KDM5A: variants seen among roughly 807,000 people sequenced by gnomAD.
KDM5A encodes the protein lysine-specific demethylase 5A.
A neutral mutation model predicts 193.5 loss-of-function variants in KDM5A; 42 were observed. That is an observed-to-expected ratio of 0.22 (90% CI 0.17 to 0.28). The LOEUF (loss-of-function observed/expected upper bound fraction) is 0.28. Among genes scored for constraint, KDM5A ranks in the 10% least tolerant of loss-of-function variants. KDM5A has a pLI of 1.00. For missense variants in KDM5A, 1,692 were observed against 2,055.1 expected, an observed-to-expected ratio of 0.82 and a Z score of 3.42; for synonymous variants, 796 against 718.1, an observed-to-expected ratio of 1.11 and a Z score of -1.73.
intron 13 of KDM5A, among the ~76,000 whole-genome samples, chr12:330,085 G>GTGTGTGTATATATATATATATA (rs377271333): frequency 1.4e-5 from 2 of 139,322 alleles, no homozygotes; most frequent in African/African-American, 5.4e-5. Flanking sequence ...GTGTGTGTGT[G>GTGTGTGTATATATATATATATA]TATATATATA....
chr12:348,281 G>C (rs1257673113), intron 10 of KDM5A, among the ~76,000 whole-genome samples: 1 of 152,202 alleles, frequency 6.6e-6, no homozygotes, highest in East Asian at 1.9e-4. Flanking sequence ...GAGAGGATGT[G>C]GAGAAATAGG....
chr12:359,221 A>T (rs1944263990), intron 5 of KDM5A, among the ~76,000 whole-genome samples: 1 of 152,292 alleles, frequency 6.6e-6, no homozygotes, highest in South Asian at 2.1e-4. Context: ...ATCACTTTTT[A>T]AAAATTTATT....
Position 299,620 on chromosome 12 carries a change from C to T in KDM5A, c.4075-2420G>A, listed in dbSNP as rs1014657861. 3.3e-5 allele frequency among the ~76,000 whole-genome samples: 5 copies of T among 152,166 alleles called. No homozygotes were observed. The South Asian group carries it at 1.0e-3, about 32-fold the overall frequency. ...TACCAAATCGTAAAGACCATCGACGCTATGAAGAAACTGCATCAACTAACA... is the reference window on the plus strand; with the variant it reads ...TACCAAATCGTAAAGACCATCGACGTTATGAAGAAACTGCATCAACTAACA... On this transcript the variant is annotated intron_variant, in intron 24 of 27. Coordinates refer to ENST00000399788, the MANE Select transcript of KDM5A (RefSeq NM_001042603.3).
rs1943736776 is a variant in KDM5A at position 322,965 on chromosome 12, T to C, written c.2275+117A>G. On this transcript the variant is annotated intron_variant, in intron 16 of 27. Transcript: ENST00000399788. The stretch of plus-strand genomic sequence containing the variant: ...ATTCAATCAACCCATTAATCTCAAA[T>C]CTCATAGGAAGCCTAGGATTTTTCT... 4 of 1,348,764 alleles carry C rather than the reference T, an allele frequency of 3.0e-6. No homozygotes were observed. The African/African-American group carries it at 4.4e-5, about 15-fold the overall frequency. The allele number at this position is 1,348,764 out of a possible 1,614,324, so 83.5% of individuals were successfully genotyped here. A position where few individuals can be genotyped will look rare whatever the true frequency, so the allele number is the denominator to read the frequency against.
intron 10 of KDM5A, among the ~76,000 whole-genome samples, chr12:347,322 A>C (rs1944091189): frequency 1.3e-5 from 2 of 152,218 alleles, no homozygotes; most frequent in African/African-American, 2.4e-5. Flanking sequence ...ATATAGTGAA[A>C]ATGGCCATAT....
intron 5 of KDM5A, among the ~76,000 whole-genome samples, chr12:359,936 T>C (rs1944275013): frequency 6.6e-6 from 1 of 151,886 alleles, no homozygotes; most frequent in African/African-American, 2.4e-5. Flanking sequence ...CTGTAGCCAA[T>C]AAGGAGTACA....
intron 21 of KDM5A, among the ~76,000 whole-genome samples, chr12:310,561 G>C (rs1053540955): frequency 1.1e-4 from 16 of 152,140 alleles, no homozygotes; most frequent in African/African-American, 3.4e-4. Context: ...TTGAGCCCAG[G>C]AGGCGACAGC....
intron 8 of KDM5A, among the ~76,000 whole-genome samples, chr12:352,704 T>C (rs980964320): frequency 4.6e-5 from 7 of 152,180 alleles, no homozygotes; most frequent in Non-Finnish European, 1.5e-5. Context: ...GAAGGAAAGG[T>C]AATGGATAAG....
chr12:320,013 C>G (rs1319139586), intron 18 of KDM5A, among the ~76,000 whole-genome samples: 2 of 152,074 alleles, frequency 1.3e-5, no homozygotes, highest in Non-Finnish European at 2.9e-5. Context: ...GAAGAGAAAA[C>G]AAGCAGCAAG....
At chr12:295,089 TAC>T (rs1386849073) in intron 26 of KDM5A, among the ~76,000 whole-genome samples, 2 of 152,206 alleles carry the variant, frequency 1.3e-5, no homozygotes, top group Non-Finnish European at 2.9e-5. Flanking sequence ...GAGTCTGGGC[TAC>T]AGAGGTTGTT....
At position 349,309 on chromosome 12, in the gene KDM5A, C is replaced by T. The variant is rs1429541116; in HGVS notation, c.1308+1312G>A. Among the ~76,000 whole-genome samples, 14 of 148,412 alleles carry T rather than the reference C, an allele frequency of 9.4e-5. No individual in the cohort carries two copies. In the East Asian group the frequency reaches 1.0e-3, roughly 11 times the overall value. On this transcript the variant is annotated intron_variant, in intron 10 of 27. Transcript: ENST00000399788. ...TGCTGGGATTACAGGTGTGAGCCCC[C>T]GCGCCCAGCCATCTTCTAGACTTTT...
chr12:346,386 A>T (rs969533561), intron 10 of KDM5A, among the ~76,000 whole-genome samples: 7 of 152,230 alleles, frequency 4.6e-5, no homozygotes, highest in Admixed American at 1.3e-4. Flanking sequence ...CAATAGAAAA[A>T]GACGGAATCC....
At chr12:352,935 T>C (rs571339625) in intron 8 of KDM5A, among the ~76,000 whole-genome samples, 8 of 152,322 alleles carry the variant, frequency 5.3e-5, no homozygotes, top group Middle Eastern at 3.4e-3. Flanking sequence ...TAATGTCCTA[T>C]CACAGCATTT....
intron 24 of KDM5A, among the ~76,000 whole-genome samples, chr12:306,112 CA>C (rs1312003308): frequency 1.3e-5 from 2 of 151,612 alleles, no homozygotes; most frequent in Non-Finnish European, 2.9e-5. Context: ...GCTGGGACTA[CA>C]GGTGTGTGCT....
Position 321,075 on chromosome 12 carries a change from G to C in KDM5A, c.2461C>G (p.Leu821Val). ...AAGGCCTTCAATTCTTCCACTGTCA[G>C]TTTGGTCCGAGTCCTCCCACTATCT... Reference protein sequence around the residue: ...SPDSGRTRTKLTVEELKAFVQ... With the variant: ...SPDSGRTRTKVTVEELKAFVQ... The change falls in exon 18 of 28, where the codon CTG becomes GTG. Residue 821 changes from leucine (L) to valine (V), a missense_variant. Leu to Val is a conservative substitution (Grantham distance 32). Transcript: ENST00000399788. 6.2e-7 allele frequency: 1 copy of C among 1,614,042 alleles called. No homozygotes were observed. Among genetic ancestry groups the C allele is most frequent in the Non-Finnish European group, 8.5e-7 (1 of 1,179,898 alleles).
At chr12:285,770 G>A in intron 27 of KDM5A, 108 bp from the exon 28 acceptor site, 1 of 936,166 alleles carries the variant, frequency 1.1e-6, no homozygotes, top group Non-Finnish European at 1.8e-6. Flanking sequence ...CAACTGGGAT[G>A]TCTAGATAGG....
At chr12:362,502 AT>A (rs1944305115) in intron 5 of KDM5A, among the ~76,000 whole-genome samples, 1 of 152,186 alleles carries the variant, frequency 6.6e-6, no homozygotes, top group South Asian at 2.1e-4. Flanking sequence ...AATAAAACCT[AT>A]TCATCTCACT....
At chr12:324,363 T>C (rs1304137267) in intron 14 of KDM5A, among the ~76,000 whole-genome samples, 1 of 152,156 alleles carries the variant, frequency 6.6e-6, no homozygotes, top group Non-Finnish European at 1.5e-5. Context: ...AAGAAAATTG[T>C]AATTGGGAGG....
At chr12:295,843 A>G in intron 25 of KDM5A, 50 bp from the exon 26 acceptor site, 1 of 1,537,012 alleles carries the variant, frequency 6.5e-7, no homozygotes, top group Non-Finnish European at 9.0e-7. Flanking sequence ...AAAACTATGG[A>G]AAAAACATGT....
Sources: gnomAD v4.1 joint callset for allele counts (sites outside exome capture counted in the v4.1 genomes callset) on GRCh38, gnomAD v4.1.1 for gene constraint, MANE v1.5 for transcripts, NCBI Gene and HGNC (gene_info 2026-07-23, HGNC 2026-07-21) for gene names.